The following KNL1 variants were observed in gnomAD, a reference collection of about 807,000 sequenced individuals.
KNL1 encodes kinetochore scaffold 1.
In KNL1, 66 loss-of-function variants were observed where a neutral mutation model predicts 201.3. That is an observed-to-expected ratio of 0.33 (90% confidence interval 0.27 to 0.40). The LOEUF (loss-of-function observed/expected upper bound fraction) is 0.40. KNL1 is among the 10% of genes least tolerant of loss of function. The probability of loss-of-function intolerance (pLI) is 1.00; values close to 1 mark genes in which losing one functional copy is unlikely to be tolerated. For missense variants in KNL1, 2,815 were observed against 2,690.5 expected (o/e 1.05, Z -1.02); for synonymous variants, 895 against 899.2 (o/e 1.00, Z 0.08).
At chr15:40,661,807 C>T (rs1183725956) in intron 25 of KNL1, among the ~76,000 whole-genome samples, 1 of 152,096 alleles carries the variant, frequency 6.6e-6, no homozygotes, top group Non-Finnish European at 1.5e-5. Flanking sequence ...CTTTGGGAGG[C>T]CGAGGTGGGT....
intron 13 of KNL1, among the ~76,000 whole-genome samples, chr15:40,634,058 C>A (rs1018248760): frequency 3.3e-5 from 5 of 151,964 alleles, no homozygotes; most frequent in African/African-American, 4.8e-5. Context: ...TAGGCCTAGG[C>A]TAATGTGTGT....
chr15:40,658,015 C>T (rs1456123112), intron 24 of KNL1, among the ~76,000 whole-genome samples: 1 of 152,158 alleles, frequency 6.6e-6, no homozygotes, highest in Non-Finnish European at 1.5e-5. Context: ...CTCCTGTAAT[C>T]CCAGCACTTT....
At chr15:40,644,852 T>A (rs576296375) in intron 14 of KNL1, 145 bp from the exon 15 acceptor site, 27 of 478,430 alleles carry the variant, frequency 5.6e-5, no homozygotes, top group Non-Finnish European at 1.0e-4. Context: ...AGCTACAAAT[T>A]AACAACATCT....
chr15:40,611,552 A>G (rs1418601446), intron 7 of KNL1, 41 bp downstream of exon 7: 16 of 182,636 alleles, frequency 8.8e-5, no homozygotes, highest in South Asian at 1.6e-4. Flanking sequence ...TTATAAATTA[A>G]TATTATTTTT....
chr15:40,625,250 T>C lies in KNL1; in HGVS notation c.4986T>C (p.Asn1662=), dbSNP rs778352416. The C allele has an allele frequency of 1.9e-6, 3 of 1,614,038 alleles. No homozygotes were observed. The highest frequency in any genetic ancestry group is 2.5e-6 in the Non-Finnish European group (3 of 1,179,940). ...TGCCTAGATTGCCCAACAAGAGAAATTGTAGTGTCACTGGTATTGATGACC... is the reference window on the plus strand; with the variant it reads ...TGCCTAGATTGCCCAACAAGAGAAACTGTAGTGTCACTGGTATTGATGACC... ...IFLPRLPNKR[N]CSVTGIDDLE... Residue 1662 remains asparagine (N), a synonymous_variant, in exon 10 of 26, where the codon AAT becomes AAC. Transcript: ENST00000399668.
chr15:40,638,842 G>A (rs1260137545), intron 13 of KNL1, among the ~76,000 whole-genome samples: 3 of 132,120 alleles, frequency 2.3e-5, no homozygotes, highest in Non-Finnish European at 4.7e-5. Context: ...ACGCAGTTTC[G>A]CTCTTGTTGC....
intron 8 of KNL1, among the ~76,000 whole-genome samples, chr15:40,618,559 T>C (rs1292280672): frequency 6.6e-6 from 1 of 152,102 alleles, no homozygotes; most frequent in East Asian, 1.9e-4. Context: ...AAACTTTCCA[T>C]CTTTAAAATC....
At chr15:40,609,943 G>T (rs1481276478) in intron 5 of KNL1, among the ~76,000 whole-genome samples, 1 of 152,196 alleles carries the variant, frequency 6.6e-6, no homozygotes, top group Non-Finnish European at 1.5e-5. Context: ...GGAGGCTGAA[G>T]TGGGATGATC....
At chr15:40,652,760 CAAAAAAAAAA>C (rs3986318) in intron 21 of KNL1, among the ~76,000 whole-genome samples, 1 of 116,804 alleles carries the variant, frequency 8.6e-6, no homozygotes. Flanking sequence ...AAAACTGTCT[CAAAAAAAAAA>C]AAAAAAAAGA....
In KNL1 at chr15:40,657,308, G is replaced by C. The variant is rs1022914393; in HGVS notation, c.6595-47G>C. 38 of 1,244,610 alleles carry C rather than the reference G, an allele frequency of 3.1e-5. No individual in the cohort carries two copies. In the African/African-American group the frequency reaches 4.6e-4, roughly 15 times the overall value. 77.1% of individuals were successfully genotyped at this position (1,244,610 alleles called of 1,614,324 possible). A position where few individuals can be genotyped will look rare whatever the true frequency, so the allele number is the denominator to read the frequency against. ...CTTTGTAAGTGAGCCACTAAGCATT[G>C]AAATGTTTTCATAATTTCACTGGAT... On this transcript the variant is annotated intron_variant, in intron 23 of 25. Transcript: ENST00000399668.
chr15:40,598,092 T>G (rs1484106626), intron 1 of KNL1, among the ~76,000 whole-genome samples: 2 of 150,700 alleles, frequency 1.3e-5, no homozygotes, highest in Admixed American at 6.6e-5. Context: ...GAGAATCACT[T>G]GAACCCAGGA....
rs1204158765 is a variant in KNL1 at position 40,622,918 on chromosome 15, G to T, written c.2654G>T (p.Arg885Ile). ...TKSYTIEINH[R>I]PLLEKRDCHL... ...AGTTATACAATAGAAATAAACCATA[G>T]ACCTTTATTAGAGAAACGTGATTGT... The change falls in exon 10 of 26, where the codon AGA (arginine) becomes ATA (isoleucine). Residue 885 changes from arginine (R) to isoleucine (I), a missense_variant. Physicochemically the swap from Arg to Ile is moderately conservative, Grantham distance 97. Around this residue, in one of 3 missense-constraint regions of KNL1, gnomAD observed 2,464 missense variants for 2,291.7 expected, o/e 1.08. Transcript: ENST00000399668. 6.2e-7 allele frequency: 1 copy of T among 1,612,606 alleles called. No homozygotes were observed. Among genetic ancestry groups the T allele is most frequent in the Non-Finnish European group, 8.5e-7 (1 of 1,179,312 alleles).
rs1159879687 is a variant in KNL1, at chr15:40,662,706, T to C, written c.*518T>C. 5 of 182,024 alleles carry C rather than the reference T, an allele frequency of 2.7e-5. No individual in the cohort carries two copies. The highest frequency in any genetic ancestry group is 5.8e-5 in the Non-Finnish European group (5 of 85,510). 11.3% of individuals were successfully genotyped at this position (182,024 alleles called of 1,614,324 possible). Reference sequence around the variant, plus strand: ...TGGGTGCGGTGGCTCACACCTGTAATACCAGCAGTTTGGGAGGCCAAAATG... The same window carrying C: ...TGGGTGCGGTGGCTCACACCTGTAACACCAGCAGTTTGGGAGGCCAAAATG... On this transcript the variant is annotated 3_prime_UTR_variant, in exon 26 of 26. Coordinates refer to ENST00000399668, the MANE Select transcript of KNL1 (RefSeq NM_144508.5).
At chr15:40,631,652 G>A (rs932367099) in intron 13 of KNL1, among the ~76,000 whole-genome samples, 1 of 151,904 alleles carries the variant, frequency 6.6e-6, no homozygotes, top group Admixed American at 6.6e-5. Context: ...AAAAAGATAG[G>A]AAGATAGAAT....
chr15:40,637,960 C>T (rs1003353905), intron 13 of KNL1, among the ~76,000 whole-genome samples: 1 of 151,892 alleles, frequency 6.6e-6, no homozygotes, highest in African/African-American at 2.4e-5. Context: ...GGCAGATTGC[C>T]TGAGCTCAGG....
intron 8 of KNL1, among the ~76,000 whole-genome samples, chr15:40,616,407 A>G (rs1371446409): frequency 6.6e-6 from 1 of 152,074 alleles, no homozygotes; most frequent in East Asian, 1.9e-4. Flanking sequence ...GATTATAGGT[A>G]TGAGCCACTG....
At chr15:40,645,240 C>T (rs537802828) in intron 15 of KNL1, among the ~76,000 whole-genome samples, 153 bp downstream of exon 15, 1 of 152,224 alleles carries the variant, frequency 6.6e-6, no homozygotes, top group African/African-American at 2.4e-5. Flanking sequence ...TAATTACACA[C>T]AATTGTTAAT....
chr15:40,644,398 T>G (rs932000346), intron 14 of KNL1, among the ~76,000 whole-genome samples: 11 of 152,200 alleles, frequency 7.2e-5, no homozygotes, highest in Admixed American at 3.3e-4. Context: ...ATCGAACAAA[T>G]GTACAATCGA....
chr15:40,650,549 G>A lies in KNL1; in HGVS notation c.6178G>A (p.Glu2060Lys), dbSNP rs1893524769. The A allele has an allele frequency of 1.3e-6, 2 of 1,557,900 alleles. No individual in the cohort carries two copies. The highest frequency in any genetic ancestry group is 1.7e-6 in the Non-Finnish European group (2 of 1,157,622). Residue 2060 changes from glutamate (E) to lysine (K), a missense_variant, in exon 19 of 26, where the codon GAA becomes AAA. Coordinates refer to ENST00000399668, the MANE Select transcript of KNL1 (RefSeq NM_144508.5). ...TTTTTTTTCTGTTTCCAAAGAATTG[G>A]AACAGCTGAAAACTGAAGAAGAGGA... ...SEMRAAEKEL[E>K]QLKTEEEELQ...
Sources: allele counts gnomAD v4.1 joint callset (sites outside exome capture counted in the v4.1 genomes callset), GRCh38; gene constraint gnomAD v4.1.1; regional missense constraint gnomAD v4.1.1; transcripts MANE v1.5; gene names NCBI Gene and HGNC (gene_info 2026-07-23, HGNC 2026-07-21).